The following CACNA2D3 variants were observed in gnomAD, a reference collection of about 807,000 sequenced individuals.
CACNA2D3 encodes the protein calcium voltage-gated channel auxiliary subunit alpha2delta 3.
A neutral mutation model predicts 160.6 loss-of-function variants in CACNA2D3; 60 were observed. The observed-to-expected ratio is 0.37, with a 90% CI of 0.30 to 0.46. The LOEUF (loss-of-function observed/expected upper bound fraction) is 0.46, where lower values mean the gene tolerates loss of function less well. Among genes scored for constraint, CACNA2D3 ranks in the 20% least tolerant of loss-of-function variants. The probability of loss-of-function intolerance (pLI) is 1.00; values close to 1 mark genes in which losing one functional copy is unlikely to be tolerated. For synonymous variants in CACNA2D3, 558 were observed against 492.9 expected (o/e 1.13, Z -1.75); for missense variants, 1,205 against 1,365.0 (o/e 0.88, Z 1.85).
chr3:54,435,773 G>T (rs1261163628), intron 4 of CACNA2D3, among the ~76,000 whole-genome samples: 4 of 152,110 alleles, frequency 2.6e-5, no homozygotes, highest in Non-Finnish European at 5.9e-5. Flanking sequence ...TCAGATGTTG[G>T]AATTATCTAA....
chr3:54,698,748 T>G (rs1360729136), intron 11 of CACNA2D3, among the ~76,000 whole-genome samples: 1 of 152,180 alleles, frequency 6.6e-6, no homozygotes, highest in Non-Finnish European at 1.5e-5. Context: ...GTGAACAACA[T>G]AGAAATAAAC....
At chr3:54,258,318 T>A (rs1702339970) in intron 2 of CACNA2D3, among the ~76,000 whole-genome samples, 1 of 152,238 alleles carries the variant, frequency 6.6e-6, no homozygotes, top group Middle Eastern at 3.2e-3. Context: ...GCCTGCTGTG[T>A]GTAAGCACTG....
At chr3:54,451,341 C>A (rs908199771) in intron 4 of CACNA2D3, among the ~76,000 whole-genome samples, 9 of 139,908 alleles carry the variant, frequency 6.4e-5, no homozygotes, top group Admixed American at 2.4e-4. Context: ...GCTCTGCCTA[C>A]CGGGTTCAAG....
At chr3:54,218,738 A>T (rs140843185) in intron 2 of CACNA2D3, among the ~76,000 whole-genome samples, 2 of 152,196 alleles carry the variant, frequency 1.3e-5, no homozygotes, top group African/African-American at 2.4e-5. Context: ...TCAAAATGTC[A>T]GCAGATCTCT....
At chr3:54,770,648 C>T (rs983288201) in intron 13 of CACNA2D3, among the ~76,000 whole-genome samples, 1 of 152,156 alleles carries the variant, frequency 6.6e-6, no homozygotes, top group African/African-American at 2.4e-5. Context: ...CTGTCGCCCA[C>T]AGCACCCTGG....
intron 2 of CACNA2D3, among the ~76,000 whole-genome samples, chr3:54,257,063 T>G (rs1702311839): frequency 6.6e-6 from 1 of 152,212 alleles, no homozygotes; most frequent in Admixed American, 6.5e-5. Context: ...GAGTAATTAT[T>G]AAGAACTTTC....
chr3:55,053,718 G>A (rs993129476), intron 35 of CACNA2D3, among the ~76,000 whole-genome samples: 14 of 151,836 alleles, frequency 9.2e-5, no homozygotes, highest in South Asian at 4.2e-4. Flanking sequence ...ATGGACATAC[G>A]GTCATCAAAT....
At chr3:55,052,956 G>A (rs1419347272) in intron 35 of CACNA2D3, among the ~76,000 whole-genome samples, 5 of 151,922 alleles carry the variant, frequency 3.3e-5, no homozygotes, top group Admixed American at 6.6e-5. Flanking sequence ...CTTTTAATTG[G>A]TACATTTGGG....
chr3:54,355,948 T>C (rs770456579), intron 3 of CACNA2D3, among the ~76,000 whole-genome samples: 12 of 152,152 alleles, frequency 7.9e-5, no homozygotes, highest in Non-Finnish European at 1.5e-4. Context: ...AGGCTGGTCA[T>C]GGGGCCAGTG....
chr3:54,749,585 G>C (rs1321851036), intron 11 of CACNA2D3, among the ~76,000 whole-genome samples: 2 of 152,102 alleles, frequency 1.3e-5, no homozygotes, highest in Non-Finnish European at 2.9e-5. Flanking sequence ...AATATAAAAT[G>C]CTATTATTAA....
chr3:54,147,339 C>T (rs1200079504), intron 2 of CACNA2D3, among the ~76,000 whole-genome samples: 1 of 152,226 alleles, frequency 6.6e-6, no homozygotes, highest in Non-Finnish European at 1.5e-5. Context: ...GCTCTTCTGA[C>T]TCTAAAAACC....
chr3:54,300,797 T>C (rs1273073720), intron 2 of CACNA2D3, among the ~76,000 whole-genome samples: 2 of 152,144 alleles, frequency 1.3e-5, no homozygotes, highest in African/African-American at 4.8e-5. Context: ...GGAGGATCAC[T>C]TGAGGCCACA....
intron 3 of CACNA2D3, among the ~76,000 whole-genome samples, chr3:54,342,261 A>C (rs1358656073): frequency 1.3e-5 from 2 of 152,348 alleles, no homozygotes; most frequent in African/African-American, 4.8e-5. Context: ...CCATGATTGC[A>C]TGTAAATAAT....
intron 3 of CACNA2D3, among the ~76,000 whole-genome samples, chr3:54,368,656 C>T (rs570737304): frequency 4.1e-5 from 6 of 147,142 alleles, no homozygotes; most frequent in South Asian, 2.1e-4. Flanking sequence ...AATCAGCATA[C>T]GTGTCCTGCT....
At chr3:54,745,455 GCTAACC>G (rs1701737568) in intron 11 of CACNA2D3, among the ~76,000 whole-genome samples, 1 of 152,212 alleles carries the variant, frequency 6.6e-6, no homozygotes, top group African/African-American at 2.4e-5. Context: ...CCAGGAATTA[GCTAACC>G]CTAGGAGGGG....
chr3:54,787,204 A>C (rs181778624), intron 13 of CACNA2D3, among the ~76,000 whole-genome samples: 1 of 152,222 alleles, frequency 6.6e-6, no homozygotes, highest in Non-Finnish European at 1.5e-5. Flanking sequence ...GCTCATTTGT[A>C]TTAGTTATAG....
Position 54,743,505 on chromosome 3 carries a change from A to G in CACNA2D3, c.1168-9094A>G, listed in dbSNP as rs867078142. Among the ~76,000 whole-genome samples the G allele has an allele frequency of 5.9e-5, 9 of 152,288 alleles. 1 individual carries two copies. The South Asian group carries it at 1.0e-3, about 18-fold the overall frequency. ...GAGTTTAGAATGTATTCCAAGTACA[A>G]TGGGAAGGCACTGGAGGGCTTTAAG... is the stretch of plus-strand genomic sequence containing the variant. On this transcript the variant is annotated intron_variant, in intron 11 of 37. Transcript: ENST00000474759.
At chr3:55,033,828 T>TTTA (rs59492761) in intron 35 of CACNA2D3, among the ~76,000 whole-genome samples, 1 of 57,008 alleles carries the variant, frequency 1.8e-5, no homozygotes, top group African/African-American at 7.5e-5. Flanking sequence ...TAAATATATT[T>TTTA]AATATATAAT....
chr3:54,999,921 A>G (rs1319472328), intron 31 of CACNA2D3, among the ~76,000 whole-genome samples: 1 of 152,148 alleles, frequency 6.6e-6, no homozygotes, highest in Non-Finnish European at 1.5e-5. Flanking sequence ...CTTTGTTTGT[A>G]TTGCTTTGAG....
Sources: gnomAD v4.1 joint callset for allele counts (sites outside exome capture counted in the v4.1 genomes callset) on GRCh38, gnomAD v4.1.1 for gene constraint, MANE v1.5 for transcripts, NCBI Gene and HGNC (gene_info 2026-07-23, HGNC 2026-07-21) for gene names.